STPG2: variants seen among roughly 807,000 people sequenced by gnomAD.
STPG2 encodes sperm tail PG-rich repeat containing 2.
A neutral mutation model predicts 54.2 loss-of-function variants in STPG2; 56 were observed. The ratio of observed to expected loss-of-function variants is 1.03; its 90% confidence interval spans 0.83 to 1.29. The LOEUF (loss-of-function observed/expected upper bound fraction) is 1.29. Among genes scored for constraint, STPG2 ranks in the 50% most tolerant of loss-of-function variants. The pLI, the probability that STPG2 is intolerant of heterozygous loss-of-function variation, is 0.00. For missense variants in STPG2, 596 were observed against 544.9 expected (o/e 1.09, Z -0.93); for synonymous variants, 200 against 181.8 (o/e 1.10, Z -0.81).
intron 4 of STPG2, among the ~76,000 whole-genome samples, chr4:97,444,906 A>C (rs770979937): frequency 6.6e-6 from 1 of 152,048 alleles, no homozygotes; most frequent in Non-Finnish European, 1.5e-5. Context: ...GGATGGTAGC[A>C]GGCGCCTGTG....
intron 9 of STPG2, among the ~76,000 whole-genome samples, chr4:97,713,238 T>G (rs986352147): frequency 9.2e-5 from 14 of 152,036 alleles, no homozygotes; most frequent in African/African-American, 3.4e-4. Context: ...ATTACGGAAA[T>G]CAAGACGCAA....
chr4:97,510,724 A>G (rs1356506713), intron 4 of STPG2, among the ~76,000 whole-genome samples: 1 of 152,114 alleles, frequency 6.6e-6, no homozygotes, highest in African/African-American at 2.4e-5. Flanking sequence ...GCAGTTCACA[A>G]TAGGGTTTGT....
intron 10 of STPG2, among the ~76,000 whole-genome samples, chr4:97,592,501 T>C (rs1410555685): frequency 6.6e-6 from 1 of 152,152 alleles, no homozygotes; most frequent in African/African-American, 2.4e-5. Context: ...AACTATATTC[T>C]AATTAAACAA....
chr4:98,119,047 C>T (rs1031861227), intron 3 of STPG2, among the ~76,000 whole-genome samples: 1 of 152,014 alleles, frequency 6.6e-6, no homozygotes, highest in Admixed American at 6.6e-5. Flanking sequence ...CATGGTAAAA[C>T]TGGTTCAGGA....
intron 5 of STPG2, chr4:98,048,848 T>C: frequency 6.2e-6 from 1 of 161,120 alleles, no homozygotes; most frequent in South Asian, 1.7e-4. Flanking sequence ...ATGTAGGAGC[T>C]GGTGTCATAT....
intron 4 of STPG2, among the ~76,000 whole-genome samples, chr4:97,455,953 C>A (rs1286780455): frequency 6.6e-6 from 1 of 152,196 alleles, no homozygotes; most frequent in Non-Finnish European, 1.5e-5. Flanking sequence ...GTTGCACACC[C>A]CGCGAGGGGA....
chr4:97,470,604 T>G (rs2148814578), intron 4 of STPG2, among the ~76,000 whole-genome samples: 1 of 152,238 alleles, frequency 6.6e-6, no homozygotes, highest in African/African-American at 2.4e-5. Context: ...AAAGTTTAAC[T>G]TATAAATTAG....
chr4:98,050,183 C>T (rs783927), intron 5 of STPG2, among the ~76,000 whole-genome samples: 129,873 of 152,100 alleles, frequency 0.85, 55,587 homozygotes, highest in Middle Eastern at 0.97. Context: ...AAGAAGCTAG[C>T]TGAGGATATT....
At chr4:97,842,792 A>G (rs150824905) in intron 8 of STPG2, among the ~76,000 whole-genome samples, 5 of 151,992 alleles carry the variant, frequency 3.3e-5, no homozygotes, top group Non-Finnish European at 7.4e-5. Flanking sequence ...TCCAATGTAT[A>G]CTACCCTTGT....
At chr4:97,788,576 T>C (rs1212319889) in intron 9 of STPG2, among the ~76,000 whole-genome samples, 2 of 152,212 alleles carry the variant, frequency 1.3e-5, no homozygotes, top group East Asian at 3.9e-4. Flanking sequence ...TTTCCTTTCT[T>C]TTGGGTATAT....
intron 10 of STPG2, among the ~76,000 whole-genome samples, chr4:97,666,846 G>A (rs1722543947): frequency 6.6e-6 from 1 of 152,028 alleles, no homozygotes; most frequent in Admixed American, 6.5e-5. Flanking sequence ...TGATTCCAAA[G>A]ACCTGAACTA....
At chr4:97,935,069 C>T (rs553219401) in intron 8 of STPG2, among the ~76,000 whole-genome samples, 2 of 152,220 alleles carry the variant, frequency 1.3e-5, no homozygotes, top group African/African-American at 4.8e-5. Context: ...TCGACTTCTT[C>T]CTACTGTAGT....
At chr4:97,732,382 C>A (rs1418056058) in intron 9 of STPG2, among the ~76,000 whole-genome samples, 2 of 152,138 alleles carry the variant, frequency 1.3e-5, no homozygotes, top group Admixed American at 1.3e-4. Context: ...GATAGCGATC[C>A]AGTTTCATTC....
In STPG2 at chr4:97,950,725, C is replaced by T. The variant is rs558648958; in HGVS notation, c.934-6718G>A. Among the ~76,000 whole-genome samples, 16 of 152,284 alleles carry T rather than the reference C, an allele frequency of 1.1e-4. No individual in the cohort carries two copies. The South Asian group carries it at 1.9e-3, about 18-fold the overall frequency. Reference sequence around the variant, plus strand: ...ACCTCCACGCTGTCCATGTTCATTGCTGGGCATAAGCTGAACTAACTTTGG... The same window carrying T: ...ACCTCCACGCTGTCCATGTTCATTGTTGGGCATAAGCTGAACTAACTTTGG... On this transcript the variant is annotated intron_variant, in intron 7 of 10. Transcript: ENST00000295268.
chr4:98,038,092 C>A (rs1736829253), intron 5 of STPG2, among the ~76,000 whole-genome samples: 1 of 150,354 alleles, frequency 6.7e-6, no homozygotes, highest in Admixed American at 6.6e-5. Context: ...CCAGGCTAGC[C>A]TTGAACTCCT....
chr4:97,962,597 A>G (rs1733929577), intron 7 of STPG2, among the ~76,000 whole-genome samples: 1 of 152,192 alleles, frequency 6.6e-6, no homozygotes, highest in Non-Finnish European at 1.5e-5. Flanking sequence ...ACACCTGTAG[A>G]TAGTTTTAAA....
At chr4:97,882,819 A>G (rs562992469) in intron 8 of STPG2, among the ~76,000 whole-genome samples, 1 of 152,298 alleles carries the variant, frequency 6.6e-6, no homozygotes, top group South Asian at 2.1e-4. Context: ...CTCCATGTTA[A>G]GCCCTATCAG....
chr4:98,074,203 A>C (rs1738087375), intron 5 of STPG2, among the ~76,000 whole-genome samples: 1 of 152,222 alleles, frequency 6.6e-6, no homozygotes, highest in African/African-American at 2.4e-5. Flanking sequence ...TCTGAATGAT[A>C]TCTCTGGGTA....
At chr4:97,910,416 G>A (rs1731633397) in intron 8 of STPG2, among the ~76,000 whole-genome samples, 1 of 152,108 alleles carries the variant, frequency 6.6e-6, no homozygotes, top group Non-Finnish European at 1.5e-5. Context: ...AATCAATATA[G>A]CAAAAGCTCT....
Sources: allele counts gnomAD v4.1 joint callset (sites outside exome capture counted in the v4.1 genomes callset), GRCh38; gene constraint gnomAD v4.1.1; transcripts MANE v1.5; gene names NCBI Gene and HGNC (gene_info 2026-07-23, HGNC 2026-07-21).